The following EPM2A variants were observed in gnomAD, a reference collection of about 807,000 sequenced individuals.
EPM2A encodes EPM2A glucan phosphatase, laforin, also known as laforin.
EPM2A carries 21 observed loss-of-function variants against 26.5 expected under a neutral mutation model. The observed-to-expected ratio is 0.79, with a 90% CI of 0.56 to 1.14. EPM2A has a LOEUF of 1.14. Ranked by LOEUF, EPM2A falls within the 50% of genes most tolerant of loss-of-function variation. EPM2A has a pLI of 0.00. For missense variants in EPM2A, 458 were observed against 440.8 expected, an observed-to-expected ratio of 1.04 and a Z score of -0.35; for synonymous variants, 217 against 177.6, an observed-to-expected ratio of 1.22 and a Z score of -1.76.
At chr6:145,554,698 C>T (rs569637077) in intron 2 of EPM2A, among the ~76,000 whole-genome samples, 84 of 152,164 alleles carry the variant, frequency 5.5e-4, no homozygotes, top group Middle Eastern at 3.4e-3. Context: ...GAAGAATGTG[C>T]TCCTCATATA....
At chr6:145,496,728 A>ATGTTTTTTTGTTTTT (rs779194973), downstream of EPM2A, among the ~76,000 whole-genome samples, 634 of 106,784 alleles carry the variant, frequency 5.9e-3, 65 homozygotes, top group South Asian at 9.5e-3. Context: ...AGTTCCTGCA[A>ATGTTTTTTTGTTTTT]TTTTTTTTTT....
At chr6:145,655,069 G>T (rs1300035621) in intron 2 of EPM2A, among the ~76,000 whole-genome samples, 4 of 151,838 alleles carry the variant, frequency 2.6e-5, no homozygotes, top group Non-Finnish European at 4.4e-5. Context: ...TTGAATTTGT[G>T]TGTGTGACCA....
chr6:145,533,858 C>T (rs1780395607), intron 2 of EPM2A, among the ~76,000 whole-genome samples: 1 of 152,042 alleles, frequency 6.6e-6, no homozygotes. Flanking sequence ...TTGTTTCTCT[C>T]TCTATCTCTA....
chr6:145,669,250 A>G (rs1012216234), intron 2 of EPM2A, among the ~76,000 whole-genome samples: 1 of 152,250 alleles, frequency 6.6e-6, no homozygotes, highest in Admixed American at 6.5e-5. Context: ...TGTGAACAGA[A>G]AAGTTATAAT....
intron 4 of EPM2A, among the ~76,000 whole-genome samples, chr6:145,487,744 A>C (rs1779696961): frequency 6.6e-6 from 1 of 152,146 alleles, no homozygotes. Context: ...TAGTTTGCAA[A>C]AATTTTCTCC....
At chr6:145,386,519 T>C (rs1439059067) in intron 4 of EPM2A, among the ~76,000 whole-genome samples, 2 of 152,134 alleles carry the variant, frequency 1.3e-5, no homozygotes, top group African/African-American at 2.4e-5. Context: ...AGATATTCCA[T>C]TGGGAGTTTG....
At chr6:145,722,679 C>T (rs1461742139) in intron 1 of EPM2A, 2 of 423,470 alleles carry the variant, frequency 4.7e-6, no homozygotes, top group East Asian at 1.5e-4. Context: ...AAAGTCCTAA[C>T]TCCTAGATCC....
At chr6:145,635,532 T>C (rs770284150) in intron 2 of EPM2A, 46 bp from the exon 3 acceptor site, 16 of 1,606,242 alleles carry the variant, frequency 1.0e-5, no homozygotes, top group South Asian at 4.4e-5. Context: ...TTGTTCTGAT[T>C]TGAGGTTTAA....
intron 4 of EPM2A, among the ~76,000 whole-genome samples, chr6:145,400,160 A>G (rs1211935252): frequency 6.6e-6 from 1 of 152,186 alleles, no homozygotes; most frequent in Non-Finnish European, 1.5e-5. Flanking sequence ...ATCCCAGGGA[A>G]AGTAGCCAGA....
At chr6:145,498,234 C>A (rs425999), downstream of EPM2A, among the ~76,000 whole-genome samples, 54,415 of 152,046 alleles carry the variant, frequency 0.36, 10,303 homozygotes, top group South Asian at 0.51. Flanking sequence ...GAAGGCACAA[C>A]ACTATTGCCA....
intron 2 of EPM2A, among the ~76,000 whole-genome samples, chr6:145,645,466 G>A (rs569690706): frequency 6.6e-6 from 1 of 152,184 alleles, no homozygotes; most frequent in South Asian, 2.1e-4. Flanking sequence ...CAATGCCCAG[G>A]TAATTTCTTT....
chr6:145,568,489 A>T (rs867441859), intron 2 of EPM2A, among the ~76,000 whole-genome samples: 5 of 151,980 alleles, frequency 3.3e-5, no homozygotes, highest in South Asian at 4.2e-4. Flanking sequence ...CGCCCAGCTA[A>T]TTTTTGTATT....
At chr6:145,454,696 C>A (rs1456911813) in intron 4 of EPM2A, among the ~76,000 whole-genome samples, 1 of 152,146 alleles carries the variant, frequency 6.6e-6, no homozygotes, top group Non-Finnish European at 1.5e-5. Flanking sequence ...TTGCAGTGGG[C>A]TTGAGATCTG....
chr6:145,404,810 C>T (rs1322624183), intron 4 of EPM2A, among the ~76,000 whole-genome samples: 2 of 152,074 alleles, frequency 1.3e-5, no homozygotes, highest in East Asian at 3.9e-4. Flanking sequence ...CTCCTCACAC[C>T]TTCTTGAAAG....
chr6:145,714,323 T>C (rs963296966), intron 1 of EPM2A, among the ~76,000 whole-genome samples: 5 of 152,170 alleles, frequency 3.3e-5, no homozygotes, highest in African/African-American at 1.2e-4. Context: ...AAGCCCTCAA[T>C]TAACATGGTA....
At chr6:145,396,142 T>C (rs1203795328) in intron 4 of EPM2A, among the ~76,000 whole-genome samples, 1 of 152,196 alleles carries the variant, frequency 6.6e-6, no homozygotes, top group Non-Finnish European at 1.5e-5. Context: ...ATAGTCATTA[T>C]CAAAGTCCAG....
chr6:145,592,479 A>G (rs990497476), intron 2 of EPM2A, among the ~76,000 whole-genome samples: 1 of 152,134 alleles, frequency 6.6e-6, no homozygotes, highest in African/African-American at 2.4e-5. Flanking sequence ...ATACTTGTGC[A>G]TGTGTCTTTA....
At chr6:145,612,872 G>A (rs1439446539) in intron 2 of EPM2A, among the ~76,000 whole-genome samples, 1 of 151,882 alleles carries the variant, frequency 6.6e-6, no homozygotes, top group Non-Finnish European at 1.5e-5. Flanking sequence ...CCTCAATGTT[G>A]ATGGCACTGA....
At chr6:145,527,498 A>C (rs959549614) in intron 2 of EPM2A, among the ~76,000 whole-genome samples, 4 of 152,116 alleles carry the variant, frequency 2.6e-5, no homozygotes, top group African/African-American at 9.7e-5. Flanking sequence ...CATGTAGAAT[A>C]ATTAAGTCTT....
Sources: gnomAD v4.1 joint callset for allele counts (sites outside exome capture counted in the v4.1 genomes callset) on GRCh38, gnomAD v4.1.1 for gene constraint, MANE v1.5 for transcripts, NCBI Gene and HGNC (gene_info 2026-07-23, HGNC 2026-07-21) for gene names.